Variants in OLIG3 observed in about 807,000 individuals in gnomAD.
OLIG3 encodes oligodendrocyte transcription factor 3, also known as class B basic helix-loop-helix protein 7.
A neutral mutation model predicts 14.7 loss-of-function variants in OLIG3; 12 were observed. The observed-to-expected ratio is 0.82, with a 90% CI of 0.52 to 1.32. The LOEUF (loss-of-function observed/expected upper bound fraction) is 1.32. OLIG3 is among the 40% of genes most tolerant of loss of function. The pLI is 0.00. For synonymous variants in OLIG3, 192 were observed against 171.4 expected (o/e 1.12, Z -0.94); for missense variants, 405 against 373.7 (o/e 1.08, Z -0.69).
In OLIG3 at chr6:137,493,703, G is replaced by C; in HGVS notation, c.468C>G (p.His156Gln). The C allele has an allele frequency of 6.2e-7, 1 of 1,612,942 alleles. No homozygotes were observed. The highest frequency in any genetic ancestry group is 1.1e-5 in the South Asian group (1 of 91,090). Residue 156 changes from histidine to glutamine, a missense_variant, in exon 1 of 1, where the codon CAC (histidine) becomes CAG (glutamine). By Grantham distance (24) the His-to-Gln change is conservative. Transcript: ENST00000367734. This position sits in a 1 kb window ranked among gnomAD's most constrained non-coding sequence, Gnocchi z 6.1. Reference sequence around the variant, plus strand: ...CCACGGTCCCGCAGTGAAAGGCCGAGTGGTGGCCCCCATAGATCTCGCCAA... The same window carrying C: ...CCACGGTCCCGCAGTGAAAGGCCGACTGGTGGCCCCCATAGATCTCGCCAA... ...RLVGEIYGGH[H>Q]SAFHCGTVGH...
At position 137,494,290 on chromosome 6, in the gene OLIG3, T is replaced by G; in HGVS notation, c.-120A>C. ...GAACCCACTTCTCCGCGGCAAGACGTGAGAAGAAAAGCGGAGACGCTGCTT... is the reference window on the plus strand; with the variant it reads ...GAACCCACTTCTCCGCGGCAAGACGGGAGAAGAAAAGCGGAGACGCTGCTT... On this transcript the variant is annotated 5_prime_UTR_variant, in exon 1 of 1. Coordinates refer to ENST00000367734, the MANE Select transcript of OLIG3 (RefSeq NM_175747.2). 1.2e-6 allele frequency: 1 copy of G among 865,650 alleles called. No homozygotes were observed. The highest frequency in any genetic ancestry group is 2.5e-5 in the East Asian group (1 of 39,404). 53.6% of individuals were successfully genotyped at this position (865,650 alleles called of 1,614,324 possible).
rs747409902 is a variant in OLIG3, at chr6:137,493,581, G to A, written c.590C>T (p.Pro197Leu). Residue 197 changes from proline to leucine, a missense_variant, in exon 1 of 1, where the codon CCG (proline) becomes CTG (leucine). By Grantham distance (98) the Pro-to-Leu change is moderately conservative (BLOSUM62 -3). Coordinates refer to ENST00000367734, the MANE Select transcript of OLIG3 (RefSeq NM_175747.2). This position sits in a 1 kb window ranked among gnomAD's most constrained non-coding sequence, Gnocchi z 6.1. The stretch of plus-strand genomic sequence containing the variant: ...GGCGGGAAGTGAGGCGGCGGACAGC[G>A]GTGACGAGGCGTTGCCAGATGAGAG... ...GALSSGNASS[P>L]LSAASLPAIG... 2.5e-6 allele frequency: 4 copies of A among 1,594,574 alleles called. No individual in the cohort carries two copies. Among genetic ancestry groups the A allele is most frequent in the Admixed American group, 1.7e-5 (1 of 57,646 alleles).
In OLIG3 at chr6:137,494,364, C is replaced by A. The variant is rs1783169120; in HGVS notation, c.-194G>T. 3 of 618,862 alleles carry A rather than the reference C, an allele frequency of 4.8e-6. No homozygotes were observed. Among genetic ancestry groups the A allele is most frequent in the Non-Finnish European group, 8.7e-6 (3 of 343,688 alleles). 38.3% of individuals were successfully genotyped at this position (618,862 alleles called of 1,614,324 possible). On this transcript the variant is annotated 5_prime_UTR_variant, in exon 1 of 1. Coordinates refer to ENST00000367734, the MANE Select transcript of OLIG3 (RefSeq NM_175747.2). Reference sequence around the variant, plus strand: ...GCCCCTCTCTCTGGTTAGGCTGCTTCCTGGACAGCTAGTTGGTGTGTGCTT... The same window carrying A: ...GCCCCTCTCTCTGGTTAGGCTGCTTACTGGACAGCTAGTTGGTGTGTGCTT...
rs1783151259 is a variant in OLIG3 at position 137,493,496 on chromosome 6, C to A, written c.675G>T (p.Leu225=). Reference sequence around the variant, plus strand: ...AGTGCTGGAAGCCGCTGCCCAGCTGCAGCGCGGGCGGCGTGGAGGGCGCCT... The same window carrying A: ...AGTGCTGGAAGCCGCTGCCCAGCTGAAGCGCGGGCGGCGTGGAGGGCGCCT... ...LLKAPSTPPA[L]QLGSGFQHWA... is the part of the protein sequence containing the mutation. Residue 225 remains leucine (L), a synonymous_variant, in exon 1 of 1, where the codon CTG becomes CTT. Transcript: ENST00000367734. The surrounding 1 kb of genome is among the most constrained non-coding windows in gnomAD (Gnocchi z 6.1). 2 of 1,573,206 alleles carry A rather than the reference C, an allele frequency of 1.3e-6. No homozygotes were observed. The highest frequency in any genetic ancestry group is 2.3e-5 in the East Asian group (1 of 43,568).
rs1313644009 is a variant in OLIG3 at position 137,494,053 on chromosome 6, C to G, written c.118G>C (p.Val40Leu). The change falls in exon 1 of 1, where the codon GTC (valine) becomes CTC (leucine). Residue 40 changes from valine to leucine, a missense_variant. Coordinates refer to ENST00000367734, the MANE Select transcript of OLIG3 (RefSeq NM_175747.2). ...HHHQESRLNS[V>L]SSTQGDMMQK... ...ATCATATCGCCCTGCGTGGACGAGA[C>G]CGAGTTGAGACGGCTCTCCTGGTGG... is the stretch of plus-strand genomic sequence containing the variant. 3.1e-6 allele frequency: 5 copies of G among 1,612,362 alleles called. No individual in the cohort carries two copies. Among genetic ancestry groups the G allele is most frequent in the Non-Finnish European group, 4.2e-6 (5 of 1,180,028 alleles).
In OLIG3 at chr6:137,493,852, G is replaced by A. The variant is rs760047026; in HGVS notation, c.319C>T (p.Arg107Cys). The change falls in exon 1 of 1, where the codon CGC (arginine) becomes TGC (cysteine). Residue 107 changes from arginine to cysteine, a missense_variant. By Grantham distance (180) the Arg-to-Cys change is radical. This residue lies in a region of OLIG3 where 165 missense variants were observed against 165.5 expected (regional missense o/e 1.00). Transcript: ENST00000367734. The surrounding 1 kb of genome is among the most constrained non-coding windows in gnomAD (Gnocchi z 6.1). ...HDLNLAMDGL[R>C]EVMPYAHGPS... Reference sequence around the variant, plus strand: ...CCATGCGCGTAGGGCATGACTTCGCGCAGCCCGTCCATGGCTAGGTTCAGG... The same window carrying A: ...CCATGCGCGTAGGGCATGACTTCGCACAGCCCGTCCATGGCTAGGTTCAGG... The A allele has an allele frequency of 2.5e-6, 4 of 1,614,220 alleles. No individual in the cohort carries two copies. Among genetic ancestry groups the A allele is most frequent in the East Asian group, 2.2e-5 (1 of 44,878 alleles).
At position 137,492,405 on chromosome 6, in the gene OLIG3, G is replaced by A. The variant is rs1249757525; in HGVS notation, c.*947C>T. 1.3e-5 allele frequency: 2 copies of A among 152,496 alleles called. No homozygotes were observed. Among genetic ancestry groups the A allele is most frequent in the Non-Finnish European group, 2.9e-5 (2 of 68,020 alleles). The allele number at this position is 152,496 out of a possible 1,614,324, so 9.4% of individuals were successfully genotyped here. A position where few individuals can be genotyped will look rare whatever the true frequency, so the allele number is the denominator to read the frequency against. On this transcript the variant is annotated 3_prime_UTR_variant, in exon 1 of 1. Coordinates refer to ENST00000367734, the MANE Select transcript of OLIG3 (RefSeq NM_175747.2). ...AAGTTTTCAAAGCTGATAATAGAGA[G>A]AGCCAACCCCGCATGCAGAATAACT...
In OLIG3 at chr6:137,493,728, A is replaced by G. The variant is rs1197636366; in HGVS notation, c.443T>C (p.Val148Ala). The change falls in exon 1 of 1, where the codon GTT becomes GCT. Residue 148 changes from valine to alanine, a missense_variant. Coordinates refer to ENST00000367734, the MANE Select transcript of OLIG3 (RefSeq NM_175747.2). This position sits in a 1 kb window ranked among gnomAD's most constrained non-coding sequence, Gnocchi z 6.1. ...GTGGTGGCCCCCATAGATCTCGCCA[A>G]CCAGCCTCTTCATCTCCTCCAGGGA... ...TSSLEEMKRL[V>A]GEIYGGHHSA... The G allele has an allele frequency of 6.2e-7, 1 of 1,613,832 alleles. No homozygotes were observed. The highest frequency in any genetic ancestry group is 8.5e-7 in the Non-Finnish European group (1 of 1,180,034).
In OLIG3 at chr6:137,492,694, G is replaced by C. The variant is rs1582753360; in HGVS notation, c.*658C>G. 1 of 152,812 alleles carries C rather than the reference G, an allele frequency of 6.5e-6. No individual in the cohort carries two copies. Among genetic ancestry groups the C allele is most frequent in the African/African-American group, 2.4e-5 (1 of 41,454 alleles). The allele number at this position is 152,812 out of a possible 1,614,324, so 9.5% of individuals were successfully genotyped here. A position where few individuals can be genotyped will look rare whatever the true frequency, so the allele number is the denominator to read the frequency against. The stretch of plus-strand genomic sequence containing the variant: ...CACCACAGCCTGCACGACATATTCA[G>C]ACAAGATTCATTTAGAAGCGTGCAT... On this transcript the variant is annotated 3_prime_UTR_variant, in exon 1 of 1. Coordinates refer to ENST00000367734, the MANE Select transcript of OLIG3 (RefSeq NM_175747.2).
In OLIG3 at chr6:137,493,234, GC is replaced by G; in HGVS notation, c.*117del. The G allele has an allele frequency of 1.3e-6, 1 of 789,758 alleles. No individual in the cohort carries two copies. Among genetic ancestry groups the G allele is most frequent in the Non-Finnish European group, 1.9e-6 (1 of 531,376 alleles). 48.9% of individuals were successfully genotyped at this position (789,758 alleles called of 1,614,324 possible). A position where few individuals can be genotyped will look rare whatever the true frequency, so the allele number is the denominator to read the frequency against. The stretch of plus-strand genomic sequence containing the variant: ...TCTCAGACAGCGTGGGAGGCTGCGG[GC>G]CCCGGAGCCTGCCCTCCCGTGGGCC... On this transcript the variant is annotated 3_prime_UTR_variant, in exon 1 of 1. Coordinates refer to ENST00000367734, the MANE Select transcript of OLIG3 (RefSeq NM_175747.2). The surrounding 1 kb of genome is among the most constrained non-coding windows in gnomAD (Gnocchi z 6.1).
rs529567333 is a variant in OLIG3, at chr6:137,493,220, G to A, written c.*132C>T. 3.4e-4 allele frequency: 238 copies of A among 694,764 alleles called. 1 individual carries two copies. The highest frequency in any genetic ancestry group is 5.0e-4 in the Non-Finnish European group (224 of 445,190). 43.0% of individuals were successfully genotyped at this position (694,764 alleles called of 1,614,324 possible). A position where few individuals can be genotyped will look rare whatever the true frequency, so the allele number is the denominator to read the frequency against. ...TGGAGTCTGAGATCTCTCAGACAGC[G>A]TGGGAGGCTGCGGGCCCCGGAGCCT... On this transcript the variant is annotated 3_prime_UTR_variant, in exon 1 of 1. Transcript: ENST00000367734. The surrounding 1 kb of genome is among the most constrained non-coding windows in gnomAD (Gnocchi z 6.1).
chr6:137,494,009 T>G lies in OLIG3; in HGVS notation c.162A>C (p.Glu54Asp). 1.9e-6 allele frequency: 3 copies of G among 1,613,430 alleles called. No homozygotes were observed. The highest frequency in any genetic ancestry group is 2.5e-6 in the Non-Finnish European group (3 of 1,180,026). The change falls in exon 1 of 1, where the codon GAA becomes GAC. Residue 54 changes from glutamate to aspartate, a missense_variant. Glu to Asp is a conservative substitution (Grantham distance 45, BLOSUM62 2). Transcript: ENST00000367734. ...CCTTGGCGCCAGCCCGCGAGAGGCTTTCCCCGGGCATCTTCTGCATCATAT... is the reference window on the plus strand; with the variant it reads ...CCTTGGCGCCAGCCCGCGAGAGGCTGTCCCCGGGCATCTTCTGCATCATAT... ...QGDMMQKMPG[E>D]SLSRAGAKAA...
rs1783136425 is a variant in OLIG3 at position 137,492,792 on chromosome 6, G to A, written c.*560C>T. Reference sequence around the variant, plus strand: ...GTGTCATGCCCTGGACCTCGGTTGAGATTCAAAACTTGGGTCTTGATCTCT... The same window carrying A: ...GTGTCATGCCCTGGACCTCGGTTGAAATTCAAAACTTGGGTCTTGATCTCT... On this transcript the variant is annotated 3_prime_UTR_variant, in exon 1 of 1. Transcript: ENST00000367734. The A allele has an allele frequency of 6.5e-6, 1 of 153,086 alleles. No individual in the cohort carries two copies. The highest frequency in any genetic ancestry group is 2.1e-4 in the South Asian group (1 of 4,840). 9.5% of individuals were successfully genotyped at this position (153,086 alleles called of 1,614,324 possible).
Position 137,493,968 on chromosome 6 carries a change from C to T in OLIG3, c.203G>A (p.Ser68Asn), listed in dbSNP as rs769364752. Residue 68 changes from serine to asparagine, a missense_variant, in exon 1 of 1, where the codon AGC (serine) becomes AAC (asparagine). Ser to Asn is a conservative substitution (Grantham distance 46). This residue lies in a region of OLIG3 where 165 missense variants were observed against 165.5 expected (regional missense o/e 1.00). Transcript: ENST00000367734. The surrounding 1 kb of genome is among the most constrained non-coding windows in gnomAD (Gnocchi z 6.1). The part of the protein sequence containing the change: ...RAGAKAAGES[S>N]KYKIKKQLSE... ...CAGCTGCTTCTTGATTTTGTACTTGCTGCTCTCTCCCGCGGCCTTGGCGCC... is the reference window on the plus strand; with the variant it reads ...CAGCTGCTTCTTGATTTTGTACTTGTTGCTCTCTCCCGCGGCCTTGGCGCC... The T allele has an allele frequency of 2.5e-6, 4 of 1,614,080 alleles. No homozygotes were observed. Among genetic ancestry groups the T allele is most frequent in the Non-Finnish European group, 3.4e-6 (4 of 1,180,050 alleles).
Position 137,494,262 on chromosome 6 carries a change from C to G in OLIG3, c.-92G>C. 1 of 1,069,286 alleles carries G rather than the reference C, an allele frequency of 9.4e-7. No individual in the cohort carries two copies. The highest frequency in any genetic ancestry group is 1.4e-6 in the Non-Finnish European group (1 of 731,436). 66.2% of individuals were successfully genotyped at this position (1,069,286 alleles called of 1,614,324 possible). A position where few individuals can be genotyped will look rare whatever the true frequency, so the allele number is the denominator to read the frequency against. ...TTAAAAAAAAAAAATCTGCACTGCCCAGGAACCCACTTCTCCGCGGCAAGA... is the reference window on the plus strand; with the variant it reads ...TTAAAAAAAAAAAATCTGCACTGCCGAGGAACCCACTTCTCCGCGGCAAGA... On this transcript the variant is annotated 5_prime_UTR_variant, in exon 1 of 1. Coordinates refer to ENST00000367734, the MANE Select transcript of OLIG3 (RefSeq NM_175747.2).
In OLIG3 at chr6:137,493,904, G is replaced by T; in HGVS notation, c.267C>A (p.Asn89Lys). 1 of 1,614,248 alleles carries T rather than the reference G, an allele frequency of 6.2e-7. No homozygotes were observed. Among genetic ancestry groups the T allele is most frequent in the Non-Finnish European group, 8.5e-7 (1 of 1,180,048 alleles). ...CGTGCATCCGCTTGCGTTCGCGTCC[G>T]TTGATCTTCAGCCTCAACTGCTGTA... is the stretch of plus-strand genomic sequence containing the variant. ...QDLQQLRLKI[N>K]GRERKRMHDL... The change falls in exon 1 of 1, where the codon AAC becomes AAA. Residue 89 changes from asparagine (N) to lysine (K), a missense_variant. By Grantham distance (94) the Asn-to-Lys change is moderately conservative. Coordinates refer to ENST00000367734, the MANE Select transcript of OLIG3 (RefSeq NM_175747.2). The surrounding 1 kb of genome is among the most constrained non-coding windows in gnomAD (Gnocchi z 6.1).
chr6:137,494,072 C>CTGGTGGTGGTGGTGGCGG lies in OLIG3; in HGVS notation c.81_98dup (p.His27_His32dup). ...ACGAGACCGAGTTGAGACGGCTCTC[C>CTGGTGGTGGTGGTGGCGG]TGGTGGTGGTGGTGGCGGTGGTGGT... On this transcript the variant is annotated inframe_insertion, in exon 1 of 1. Transcript: ENST00000367734. The CTGGTGGTGGTGGTGGCGG allele has an allele frequency of 6.2e-7, 1 of 1,611,778 alleles. No individual in the cohort carries two copies. Among genetic ancestry groups the CTGGTGGTGGTGGTGGCGG allele is most frequent in the Non-Finnish European group, 8.5e-7 (1 of 1,179,782 alleles).
At position 137,493,394 on chromosome 6, in the gene OLIG3, G is replaced by A. The variant is rs1468494326; in HGVS notation, c.777C>T (p.Asn259=). The change falls in exon 1 of 1, where the codon AAC becomes AAT. Residue 259 remains asparagine (N), a synonymous_variant. Coordinates refer to ENST00000367734, the MANE Select transcript of OLIG3 (RefSeq NM_175747.2). This position sits in a 1 kb window ranked among gnomAD's most constrained non-coding sequence, Gnocchi z 6.1. The part of the protein sequence containing the change: ...PPHLSALSTA[N]MARLSAESKD... Reference sequence around the variant, plus strand: ...TGGACTCGGCCGACAGCCGGGCCATGTTGGCTGTGGAGAGAGCGGACAGGT... The same window carrying A: ...TGGACTCGGCCGACAGCCGGGCCATATTGGCTGTGGAGAGAGCGGACAGGT... 2 of 1,594,110 alleles carry A rather than the reference G, an allele frequency of 1.3e-6. No individual in the cohort carries two copies. Among genetic ancestry groups the A allele is most frequent in the Non-Finnish European group, 8.5e-7 (1 of 1,176,618 alleles).
Position 137,493,652 on chromosome 6 carries a change from G to A in OLIG3, c.519C>T (p.His173=), listed in dbSNP as rs138056559. ...TVGHSAGHPA[H]AANSVHPVHP... is the part of the protein sequence containing the mutation. ...GCACCGGGTGCACGGAGTTGGCCGC[G>A]TGCGCGGGGTGGCCGGCCGAGTGGC... Residue 173 remains histidine (H), a synonymous_variant, in exon 1 of 1, where the codon CAC becomes CAT. Transcript: ENST00000367734. This position sits in a 1 kb window ranked among gnomAD's most constrained non-coding sequence, Gnocchi z 6.1. The A allele has an allele frequency of 3.7e-6, 6 of 1,608,822 alleles. No homozygotes were observed. Among genetic ancestry groups the A allele is most frequent in the African/African-American group, 1.3e-5 (1 of 74,930 alleles).
Sources: allele counts gnomAD v4.1 joint callset, GRCh38; gene constraint gnomAD v4.1.1; regional missense constraint gnomAD v4.1.1; non-coding constraint Gnocchi (gnomAD v3.1); transcripts MANE v1.5; gene names NCBI Gene and HGNC (gene_info 2026-07-23, HGNC 2026-07-21).